Variants in KRT6A observed in about 807,000 individuals in gnomAD.
KRT6A encodes the protein keratin, type II cytoskeletal 6A.
Under a neutral mutation model 48.6 loss-of-function variants are expected in KRT6A, and 28 were observed. That is an observed-to-expected ratio of 0.58 (90% CI 0.43 to 0.79). The LOEUF is 0.79. KRT6A is among the 30% of genes least tolerant of loss of function. The pLI, the probability that KRT6A is intolerant of heterozygous loss-of-function variation, is 0.00. For missense variants in KRT6A, 687 were observed against 724.3 expected (o/e 0.95, Z 0.59); for synonymous variants, 301 against 294.2 (o/e 1.02, Z -0.24).
rs547136077 is a variant in KRT6A, at chr12:52,491,135, T to C, written c.793A>G (p.Asn265Asp). ...ACCTTCTTCAGAGTCACAAATTCAT[T>C]CTCTGCTGCTGTGCGCTTGTTGATT... ...DEINKRTAAENEFVTLKKDVD... is the reference protein window; with the variant it reads ...DEINKRTAAEDEFVTLKKDVD... Residue 265 changes from asparagine (N) to aspartate (D), a missense_variant, in exon 3 of 9, where the codon AAT (asparagine) becomes GAT (aspartate). Around this residue, in one of 3 missense-constraint regions of KRT6A, gnomAD observed 566 missense variants for 565.3 expected, o/e 1.00. Transcript: ENST00000330722. The C allele has an allele frequency of 5.6e-5, 90 of 1,613,910 alleles. No individual in the cohort carries two copies. In the South Asian group the frequency reaches 9.4e-4, roughly 17 times the overall value.
rs2120403643 is a variant in KRT6A at position 52,491,170 on chromosome 12, T to C, written c.758A>G (p.Tyr253Cys). 1 of 1,613,976 alleles carries C rather than the reference T, an allele frequency of 6.2e-7. No individual in the cohort carries two copies. Among genetic ancestry groups the C allele is most frequent in the South Asian group, 1.1e-5 (1 of 91,062 alleles). ...TGTGCGCTTGTTGATTTCATCCTCA[T>C]ATCTACAGGAAGAAAGGCATGGGAC... ...QDLVEDFKNKYEDEINKRTAA... is the reference protein window; with the variant it reads ...QDLVEDFKNKCEDEINKRTAA... Residue 253 changes from tyrosine (Y) to cysteine (C), a missense_variant and splice_region_variant, in exon 3 of 9, where the codon TAT becomes TGT. Tyr to Cys is a radical substitution (Grantham distance 194). Around this residue, in one of 3 missense-constraint regions of KRT6A, gnomAD observed 566 missense variants for 565.3 expected, o/e 1.00. Coordinates refer to ENST00000330722, the MANE Select transcript of KRT6A (RefSeq NM_005554.4).
Position 52,492,750 on chromosome 12 carries a change from G to C in KRT6A, c.439C>G (p.Pro147Ala), listed in dbSNP as rs753301674. The change falls in exon 1 of 9, where the codon CCC becomes GCC. Residue 147 changes from proline (P) to alanine (A), a missense_variant. Transcript: ENST00000330722. ...EVTVNQSLLT[P>A]LNLQIDPTIQ... The stretch of plus-strand genomic sequence containing the variant: ...GTGGGATCGATTTGCAGGTTGAGGG[G>C]AGTCAGGAGACTCTGGTTGACGGTG... 1.9e-6 allele frequency: 3 copies of C among 1,613,906 alleles called. No individual in the cohort carries two copies. The highest frequency in any genetic ancestry group is 2.5e-6 in the Non-Finnish European group (3 of 1,179,940).
intron 8 of KRT6A, 29 bp downstream of exon 8, chr12:52,488,040 A>T (rs775370411): frequency 6.2e-7 from 1 of 1,614,150 alleles, no homozygotes; most frequent in Admixed American, 1.7e-5. Context: ...GTGCGAGGGC[A>T]GGGGAGGAAG....
intron 5 of KRT6A, 60 bp from the exon 6 acceptor site, chr12:52,490,128 C>T: frequency 2.5e-6 from 4 of 1,611,892 alleles, no homozygotes; most frequent in Non-Finnish European, 3.4e-6. Context: ...GGAGCGATGA[C>T]TTTCACTTGT....
Position 52,492,637 on chromosome 12 carries a change from G to A in KRT6A, c.540+12C>T. On this transcript the variant is annotated intron_variant, in intron 1 of 8. Transcript: ENST00000330722. ...CCTGAAGTGCCCCATGGAGGGCATG[G>A]CACTGGCTCACCTTGTCGATGAAGG... The A allele has an allele frequency of 6.2e-7, 1 of 1,614,020 alleles. No individual in the cohort carries two copies. Among genetic ancestry groups the A allele is most frequent in the Non-Finnish European group, 8.5e-7 (1 of 1,179,912 alleles).
In KRT6A at chr12:52,487,721, T is replaced by A. The variant is rs1053741; in HGVS notation, c.1694A>T (p.Ter565LeuextTer73). The stretch of plus-strand genomic sequence containing the variant: ...GGACCGAGAGCTAGCAGACGCACTT[T>A]AGTGCTTATAGCTCTTCCTGCTGGA... ...SSSSRKSYKH[*>L] The change falls in exon 9 of 9, where the codon TAA becomes TTA. Residue 565 changes from the stop codon to leucine (L), a stop_lost. Coordinates refer to ENST00000330722, the MANE Select transcript of KRT6A (RefSeq NM_005554.4). 5.3e-5 allele frequency: 85 copies of A among 1,614,048 alleles called. No individual in the cohort carries two copies. The highest frequency in any genetic ancestry group is 6.9e-5 in the Non-Finnish European group (82 of 1,180,026).
Position 52,488,477 on chromosome 12 carries a change from G to A in KRT6A, c.1275C>T (p.Asn425=). 6.2e-7 allele frequency: 1 copy of A among 1,614,150 alleles called. No individual in the cohort carries two copies. The highest frequency in any genetic ancestry group is 8.5e-7 in the Non-Finnish European group (1 of 1,180,040). Residue 425 remains asparagine, a synonymous_variant, in exon 7 of 9, where the codon AAC becomes AAT. Transcript: ENST00000330722. ...RGEMALKDAK[N]KLEGLEDALQ... ...GGGCATCCTCCAGCCCTTCCAGCTT[G>A]TTCTTGGCATCCTTGAGGGCCATCT...
Position 52,488,532 on chromosome 12 carries a change from G to T in KRT6A, c.1220C>A (p.Ala407Asp). The part of the protein sequence containing the change: ...HVKKQCANLQ[A>D]AIADAEQRGE... ...ACGCTGCTCAGCATCAGCAATGGCG[G>T]CCTGCAGGTTGGCGCACTGGAAGAG... Residue 407 changes from alanine to aspartate, a missense_variant, in exon 7 of 9, where the codon GCC becomes GAC. Coordinates refer to ENST00000330722, the MANE Select transcript of KRT6A (RefSeq NM_005554.4). The T allele has an allele frequency of 6.2e-7, 1 of 1,614,146 alleles. No homozygotes were observed. Among genetic ancestry groups the T allele is most frequent in the Non-Finnish European group, 8.5e-7 (1 of 1,180,030 alleles).
Position 52,487,654 on chromosome 12 carries a change from G to A in KRT6A, c.*66C>T. 4 of 1,608,260 alleles carry A rather than the reference G, an allele frequency of 2.5e-6. No individual in the cohort carries two copies. The highest frequency in any genetic ancestry group is 3.4e-6 in the Non-Finnish European group (4 of 1,175,540). On this transcript the variant is annotated 3_prime_UTR_variant, in exon 9 of 9. Coordinates refer to ENST00000330722, the MANE Select transcript of KRT6A (RefSeq NM_005554.4). The stretch of plus-strand genomic sequence containing the variant: ...GAGGCCAGGAGAGGAAAGGCAACCT[G>A]AGGAGAGGGCTCTGCAGCCAGAGAG...
rs773542280 is a variant in KRT6A at position 52,492,655 on chromosome 12, G to A, written c.534C>T (p.Ile178=). 10 of 1,614,026 alleles carry A rather than the reference G, an allele frequency of 6.2e-6. No homozygotes were observed. The highest frequency in any genetic ancestry group is 2.2e-5 in the East Asian group (1 of 44,882). ...KTLNNKFASF[I]DKVRFLEQQN... is the part of the protein sequence containing the mutation. ...GGGCATGGCACTGGCTCACCTTGTC[G>A]ATGAAGGAGGCAAACTTGTTGTTGA... The change falls in exon 1 of 9, where the codon ATC becomes ATT. Residue 178 remains isoleucine (I), a synonymous_variant. Transcript: ENST00000330722.
chr12:52,492,917 T>C lies in KRT6A; in HGVS notation c.272A>G (p.Tyr91Cys). The C allele has an allele frequency of 6.2e-7, 1 of 1,605,098 alleles. No homozygotes were observed. Among genetic ancestry groups the C allele is most frequent in the Non-Finnish European group, 8.5e-7 (1 of 1,176,556 alleles). Reference protein sequence around the residue: ...GGYGSRAGGSYGFGGAGSGFG... With the variant: ...GGYGSRAGGSCGFGGAGSGFG... Reference sequence around the variant, plus strand: ...TCCACTCCCGGCGCCACCAAAGCCATAGCTGCCTCCGGCTCTGCTGCCATA... The same window carrying C: ...TCCACTCCCGGCGCCACCAAAGCCACAGCTGCCTCCGGCTCTGCTGCCATA... The change falls in exon 1 of 9, where the codon TAT (tyrosine) becomes TGT (cysteine). Residue 91 changes from tyrosine (Y) to cysteine (C), a missense_variant. This residue lies in a region of KRT6A where 49 missense variants were observed against 97.3 expected (regional missense o/e 0.50). Coordinates refer to ENST00000330722, the MANE Select transcript of KRT6A (RefSeq NM_005554.4).
Position 52,487,647 on chromosome 12 carries a change from G to T in KRT6A, c.*73C>A. ...GAGACTGGAGGCCAGGAGAGGAAAG[G>T]CAACCTGAGGAGAGGGCTCTGCAGC... is the stretch of plus-strand genomic sequence containing the variant. On this transcript the variant is annotated 3_prime_UTR_variant, in exon 9 of 9. Transcript: ENST00000330722. The T allele has an allele frequency of 6.2e-7, 1 of 1,602,916 alleles. No homozygotes were observed. The highest frequency in any genetic ancestry group is 8.5e-7 in the Non-Finnish European group (1 of 1,171,434).
rs1487839397 is a variant in KRT6A, at chr12:52,492,986, T to C, written c.203A>G (p.Lys68Arg). The change falls in exon 1 of 9, where the codon AAG becomes AGG. Residue 68 changes from lysine (K) to arginine (R), a missense_variant. Around this residue, in one of 3 missense-constraint regions of KRT6A, gnomAD observed 49 missense variants for 97.3 expected, o/e 0.50. Coordinates refer to ENST00000330722, the MANE Select transcript of KRT6A (RefSeq NM_005554.4). ...GCTGCCCCCTCCAATGGAGATCCTC[T>C]TGGAGCCCCCCAGGCCATACAGACT... ...SRSLYGLGGS[K>R]RISIGGGSCA... 1 of 1,611,084 alleles carries C rather than the reference T, an allele frequency of 6.2e-7. No individual in the cohort carries two copies. The highest frequency in any genetic ancestry group is 1.3e-5 in the African/African-American group (1 of 74,676).
In KRT6A at chr12:52,491,536, C is replaced by T. The variant is rs1938261819; in HGVS notation, c.741G>A (p.Glu247=). The T allele has an allele frequency of 2.5e-6, 4 of 1,614,164 alleles. No individual in the cohort carries two copies. The highest frequency in any genetic ancestry group is 3.4e-6 in the Non-Finnish European group (4 of 1,180,040). ...GTTTAACTCACTTGTTCTTGAAGTCCTCCACCAGGTCCTGCATGCCTCTGA... is the reference window on the plus strand; with the variant it reads ...GTTTAACTCACTTGTTCTTGAAGTCTTCCACCAGGTCCTGCATGCCTCTGA... ...SELRGMQDLV[E]DFKNKYEDEI... The change falls in exon 2 of 9, where the codon GAG becomes GAA. Residue 247 remains glutamate (E), a synonymous_variant. Transcript: ENST00000330722.
At chr12:52,488,176 G>T (rs1279890545) in intron 7 of KRT6A, 73 bp from the exon 8 acceptor site, 1 of 1,613,836 alleles carries the variant, frequency 6.2e-7, no homozygotes, top group East Asian at 2.2e-5. Flanking sequence ...GGGCAGCCTC[G>T]GTGGGTGGAA....
chr12:52,490,578 G>A lies in KRT6A; in HGVS notation c.1068C>T (p.Tyr356=). The part of the protein sequence containing the change: ...QRSRAEAESW[Y]QTKYEELQVT... ...CCCACTCCCTGCTCACCTTGGTCTG[G>A]TACCAGGACTCAGCCTCAGCCCGGC... Residue 356 remains tyrosine (Y), a synonymous_variant, in exon 5 of 9, where the codon TAC becomes TAT. Coordinates refer to ENST00000330722, the MANE Select transcript of KRT6A (RefSeq NM_005554.4). The A allele has an allele frequency of 6.2e-7, 1 of 1,614,172 alleles. No individual in the cohort carries two copies. The highest frequency in any genetic ancestry group is 8.5e-7 in the Non-Finnish European group (1 of 1,180,028).
At chr12:52,489,790 C>T in intron 6 of KRT6A, 153 bp downstream of exon 6, 2 of 1,268,720 alleles carry the variant, frequency 1.6e-6, no homozygotes, top group East Asian at 5.1e-5. Context: ...ATCTATGTCT[C>T]CTAAGCAGCA....
At chr12:52,488,689 T>TC (rs545577937) in intron 6 of KRT6A, 141 bp from the exon 7 acceptor site, 4 of 1,193,250 alleles carry the variant, frequency 3.4e-6, no homozygotes, top group Non-Finnish European at 4.7e-6. Flanking sequence ...CTATTGTTTT[T>TC]TTTTTTATTT....
At position 52,492,418 on chromosome 12, in the gene KRT6A, T is replaced by C. The variant is rs142872219; in HGVS notation, c.540+231A>G. Reference sequence around the variant, plus strand: ...TGATGGCCTCATCTGTGCTTCAGGGTTATGAAAAGTTATGGTTCTCCCTAG... The same window carrying C: ...TGATGGCCTCATCTGTGCTTCAGGGCTATGAAAAGTTATGGTTCTCCCTAG... On this transcript the variant is annotated intron_variant, in intron 1 of 8. Transcript: ENST00000330722. 1.1e-3 allele frequency among the ~76,000 whole-genome samples: 161 copies of C among 152,176 alleles called. 1 individual carries two copies. The highest frequency in any genetic ancestry group is 6.8e-3 in the Middle Eastern group (2 of 294).
Sources: allele counts gnomAD v4.1 joint callset (sites outside exome capture counted in the v4.1 genomes callset), GRCh38; gene constraint gnomAD v4.1.1; regional missense constraint gnomAD v4.1.1; transcripts MANE v1.5; gene names NCBI Gene and HGNC (gene_info 2026-07-23, HGNC 2026-07-21).